ANKFN1: variants seen among roughly 807,000 people sequenced by gnomAD.
The protein encoded by ANKFN1 is ankyrin repeat and fibronectin type-III domain-containing protein 1.
Under a neutral mutation model 108.7 loss-of-function variants are expected in ANKFN1, and 74 were observed. The ratio of observed to expected loss-of-function variants is 0.68; its 90% CI spans 0.56 to 0.83. The LOEUF (loss-of-function observed/expected upper bound fraction) is 0.83, where lower values mean the gene tolerates loss of function less well. Among genes scored for constraint, ANKFN1 ranks in the 40% least tolerant of loss-of-function variants. The probability of loss-of-function intolerance (pLI) is 0.00; values close to 1 mark genes in which losing one functional copy is unlikely to be tolerated. For synonymous variants in ANKFN1, 547 were observed against 516.2 expected (o/e 1.06, Z -0.81); for missense variants, 1,505 against 1,382.3 (o/e 1.09, Z -1.41).
At chr17:56,049,441 G>T (rs58816871) in intron 4 of ANKFN1, among the ~76,000 whole-genome samples, 17,359 of 151,270 alleles carry the variant, frequency 0.11, 2,153 homozygotes, top group African/African-American at 0.32. Context: ...TGCACATTGT[G>T]CAGGTTAGTT....
intron 3 of ANKFN1, among the ~76,000 whole-genome samples, chr17:56,301,576 A>G (rs1046574851): frequency 3.3e-5 from 5 of 152,244 alleles, no homozygotes; most frequent in Non-Finnish European, 7.3e-5. Context: ...GCTGCAAATA[A>G]GAGATCCAAT....
chr17:56,336,093 G>A (rs1158407226), intron 4 of ANKFN1, among the ~76,000 whole-genome samples: 2 of 152,176 alleles, frequency 1.3e-5, no homozygotes, highest in East Asian at 3.8e-4. Flanking sequence ...TAAGCTTTTT[G>A]ATGAGCTGCT....
intron 8 of ANKFN1, among the ~76,000 whole-genome samples, chr17:56,375,818 G>A (rs2046932818): frequency 6.6e-6 from 1 of 152,170 alleles, no homozygotes; most frequent in Admixed American, 6.5e-5. Flanking sequence ...GCCGTTTAAA[G>A]TTTTAACTCT....
chr17:56,420,661 A>T (rs1005348417), intron 8 of ANKFN1, among the ~76,000 whole-genome samples: 1 of 131,816 alleles, frequency 7.6e-6, no homozygotes, highest in African/African-American at 2.8e-5. Context: ...TTAATATTCT[A>T]TGTTGCTTCT....
chr17:56,383,644 G>T (rs2047171558), intron 8 of ANKFN1, among the ~76,000 whole-genome samples: 1 of 151,914 alleles, frequency 6.6e-6, no homozygotes, highest in African/African-American at 2.4e-5. Context: ...ATGATAAAGG[G>T]GATATCACCA....
chr17:56,318,682 G>A (rs1426815620), intron 3 of ANKFN1, among the ~76,000 whole-genome samples: 1 of 152,180 alleles, frequency 6.6e-6, no homozygotes, highest in African/African-American at 2.4e-5. Flanking sequence ...TAAATAGTCT[G>A]TCTTCAGGGC....
intron 4 of ANKFN1, among the ~76,000 whole-genome samples, chr17:56,119,974 CAAAT>C (rs1362543211): frequency 5.3e-5 from 8 of 152,128 alleles, no homozygotes; most frequent in African/African-American, 1.9e-4. Context: ...TTGTGTTCGT[CAAAT>C]CCTTTCTCAG....
chr17:56,253,644 C>T lies in ANKFN1; in HGVS notation c.53+25687C>T, dbSNP rs114232201. 1.0e-2 allele frequency among the ~76,000 whole-genome samples: 1,514 copies of T among 152,126 alleles called. 21 individuals carry two copies. Among genetic ancestry groups the T allele is most frequent in the African/African-American group, 0.034 (1,426 of 41,500 alleles). ...CCCGGCTATTTAGGAGGCCAAGGCA[C>T]GAGAGAATCACTTGAACCTGGGAGG... On this transcript the variant is annotated intron_variant, in intron 3 of 20. Coordinates refer to ENST00000682825, the MANE Select transcript of ANKFN1 (RefSeq NM_001370326.1).
At chr17:56,161,298 G>T (rs1909634057) in intron 1 of ANKFN1, among the ~76,000 whole-genome samples, 1 of 152,142 alleles carries the variant, frequency 6.6e-6, no homozygotes, top group African/African-American at 2.4e-5. Flanking sequence ...TTAAGGTTTG[G>T]CATTTACTAT....
intron 3 of ANKFN1, among the ~76,000 whole-genome samples, chr17:56,290,551 T>C (rs551715470): frequency 1.3e-3 from 195 of 152,264 alleles, no homozygotes; most frequent in African/African-American, 4.6e-3. Context: ...ACTGGCACAT[T>C]TGAGTTGCAG....
chr17:56,050,174 G>C (rs1477063838), intron 4 of ANKFN1, among the ~76,000 whole-genome samples: 2 of 150,648 alleles, frequency 1.3e-5, no homozygotes, highest in Non-Finnish European at 3.0e-5. Context: ...GTGTTTTTTG[G>C]CTGCATAAAT....
chr17:56,127,804 T>G (rs146050021), intron 4 of ANKFN1, among the ~76,000 whole-genome samples: 49 of 152,346 alleles, frequency 3.2e-4, no homozygotes, highest in African/African-American at 1.1e-3. Flanking sequence ...TCTTAACTTT[T>G]TCAGCAAAGC....
chr17:56,102,377 G>A (rs1193954980), intron 4 of ANKFN1, among the ~76,000 whole-genome samples: 1 of 152,078 alleles, frequency 6.6e-6, no homozygotes. Context: ...TAAGATTCAA[G>A]GTGACATTTG....
At chr17:56,319,302 T>C (rs1395455133) in intron 3 of ANKFN1, among the ~76,000 whole-genome samples, 1 of 152,174 alleles carries the variant, frequency 6.6e-6, no homozygotes, top group African/African-American at 2.4e-5. Flanking sequence ...GTCTGATAAA[T>C]GTTCTATTTT....
In ANKFN1 at chr17:56,290,640, G is replaced by T. The variant is rs1284007056; in HGVS notation, c.54-35581G>T. Among the ~76,000 whole-genome samples, 3 of 152,124 alleles carry T rather than the reference G, an allele frequency of 2.0e-5. No homozygotes were observed. In the East Asian group the frequency reaches 5.8e-4, roughly 29 times the overall value. On this transcript the variant is annotated intron_variant, in intron 3 of 20. Coordinates refer to ENST00000682825, the MANE Select transcript of ANKFN1 (RefSeq NM_001370326.1). The stretch of plus-strand genomic sequence containing the variant: ...TATTTTAAGAGCCCAGTGAAGAGTT[G>T]AGTCTATTTGGTACTGTAAATAAGG...
At chr17:56,424,106 T>A (rs2048487968) in intron 8 of ANKFN1, among the ~76,000 whole-genome samples, 1 of 152,166 alleles carries the variant, frequency 6.6e-6, no homozygotes, top group African/African-American at 2.4e-5. Flanking sequence ...ATGCTACAGA[T>A]TTTTCTGGAG....
chr17:56,089,271 T>C (rs1357914179), intron 4 of ANKFN1, among the ~76,000 whole-genome samples: 1 of 151,388 alleles, frequency 6.6e-6, no homozygotes, highest in Non-Finnish European at 1.5e-5. Context: ...TAATACTCCA[T>C]CATACTACAT....
At chr17:56,075,501 C>T (rs56318126) in intron 4 of ANKFN1, among the ~76,000 whole-genome samples, 14,168 of 152,082 alleles carry the variant, frequency 0.093, 1,225 homozygotes, top group African/African-American at 0.23. Context: ...CAGCCCCAAG[C>T]AGAGTTCTTC....
intron 15 of ANKFN1, among the ~76,000 whole-genome samples, chr17:56,469,416 C>A (rs973653732): frequency 1.3e-5 from 2 of 152,010 alleles, no homozygotes; most frequent in Admixed American, 1.3e-4. Flanking sequence ...TGGTGGTACC[C>A]AAAGCAGGCT....
Sources: allele counts gnomAD v4.1 joint callset (sites outside exome capture counted in the v4.1 genomes callset), GRCh38; gene constraint gnomAD v4.1.1; transcripts MANE v1.5; gene names NCBI Gene and HGNC (gene_info 2026-07-23, HGNC 2026-07-21).